AGBL3: variants seen among roughly 807,000 people sequenced by gnomAD.
AGBL3 encodes the protein cytosolic carboxypeptidase 3.
AGBL3 carries 68 observed loss-of-function variants against 94.5 expected under a neutral mutation model. The ratio of observed to expected loss-of-function variants is 0.72; its 90% CI spans 0.59 to 0.88. The LOEUF is 0.88. Ranked by LOEUF, AGBL3 falls within the 40% of genes least tolerant of loss-of-function variation. The pLI, the probability that AGBL3 is intolerant of heterozygous loss-of-function variation, is 0.00. For synonymous variants in AGBL3, 354 were observed against 370.7 expected, an observed-to-expected ratio of 0.95 and a Z score of 0.52; for missense variants, 934 against 1,103.8, an observed-to-expected ratio of 0.85 and a Z score of 2.18.
rs539456125 is a variant in AGBL3 at position 135,133,065 on chromosome 7, G to C, written c.2343-1776G>C. 1.7e-4 allele frequency among the ~76,000 whole-genome samples: 17 copies of C among 101,234 alleles called. No individual in the cohort carries two copies. The East Asian group carries it at 3.3e-3, about 20-fold the overall frequency. 66.4% of individuals were successfully genotyped at this position (101,234 alleles called of 152,430 possible). A position where few individuals can be genotyped will look rare whatever the true frequency, so the allele number is the denominator to read the frequency against. On this transcript the variant is annotated intron_variant, in intron 16 of 16. Transcript: ENST00000436302. ...TACCAAAACACACACGCACGCATGC[G>C]TGCACACACACACACACACACACAC...
rs560047199 is a variant in AGBL3 at position 135,082,269 on chromosome 7, T to C, written c.2110+479T>C. ...CAAAATAGTGAAGAAACCTTAAAGG[T>C]AAATAATTCCAACTGACTCATTTTC... On this transcript the variant is annotated intron_variant, in intron 15 of 16. Coordinates refer to ENST00000436302, the MANE Select transcript of AGBL3 (RefSeq NM_178563.4). Among the ~76,000 whole-genome samples, 31 of 152,276 alleles carry C rather than the reference T, an allele frequency of 2.0e-4. 1 individual carries two copies. Among genetic ancestry groups the C allele is most frequent in the African/African-American group, 7.0e-4 (29 of 41,574 alleles).
intron 4 of AGBL3, among the ~76,000 whole-genome samples, chr7:135,016,222 T>C: frequency 1.3e-5 from 2 of 152,308 alleles, no homozygotes; most frequent in South Asian, 4.1e-4. Context: ...TTTGCTTATC[T>C]TTATTATCAA....
At chr7:135,055,217 A>T (rs1295008500) in intron 11 of AGBL3, among the ~76,000 whole-genome samples, 1 of 152,192 alleles carries the variant, frequency 6.6e-6, no homozygotes, top group East Asian at 1.9e-4. Flanking sequence ...GCACATTAGG[A>T]ATCAAATTTC....
intron 12 of AGBL3, among the ~76,000 whole-genome samples, chr7:135,069,883 C>A (rs1177990987): frequency 6.6e-6 from 1 of 152,150 alleles, no homozygotes; most frequent in African/African-American, 2.4e-5. Flanking sequence ...CAGAGCAGAA[C>A]TGAAGGAAAT....
At chr7:135,129,501 G>A (rs1562906157) in intron 16 of AGBL3, 7 of 772,638 alleles carry the variant, frequency 9.1e-6, no homozygotes, top group Non-Finnish European at 1.7e-5. Flanking sequence ...AACTCCCATA[G>A]AGAAATTAGA....
intron 4 of AGBL3, among the ~76,000 whole-genome samples, chr7:134,994,960 C>T (rs1353466842): frequency 6.6e-6 from 1 of 152,088 alleles, no homozygotes; most frequent in Admixed American, 6.5e-5. Flanking sequence ...ACCATCATCC[C>T]CACCTCTCCT....
chr7:135,080,401 A>G (rs1195886325), intron 14 of AGBL3, 141 bp downstream of exon 14: 3 of 621,798 alleles, frequency 4.8e-6, no homozygotes, highest in Non-Finnish European at 8.5e-6. Context: ...TCCCTGCAGG[A>G]CCTCATCCTT....
chr7:135,054,570 G>GA (rs1276101305), intron 11 of AGBL3, among the ~76,000 whole-genome samples: 1 of 152,028 alleles, frequency 6.6e-6, no homozygotes, highest in Non-Finnish European at 1.5e-5. Context: ...GTTGTTTAAT[G>GA]AAAAAATATT....
intron 16 of AGBL3, among the ~76,000 whole-genome samples, chr7:135,126,840 C>A (rs942393995): frequency 6.6e-6 from 1 of 152,204 alleles, no homozygotes; most frequent in African/African-American, 2.4e-5. Flanking sequence ...AACTGGACCC[C>A]TTCCTTACAC....
intron 5 of AGBL3, 43 bp from the exon 6 acceptor site, chr7:135,032,801 T>C (rs1368137766): frequency 6.7e-7 from 1 of 1,498,168 alleles, no homozygotes; most frequent in South Asian, 1.4e-5. Context: ...CCTTCTTACT[T>C]TAGGTATACC....
intron 5 of AGBL3, among the ~76,000 whole-genome samples, chr7:135,018,716 T>G (rs1814089379): frequency 6.6e-6 from 1 of 152,188 alleles, no homozygotes; most frequent in Admixed American, 6.5e-5. Flanking sequence ...AAGACAAATT[T>G]CAGTAGGTAA....
At chr7:135,051,841 T>C (rs945763910) in intron 11 of AGBL3, among the ~76,000 whole-genome samples, 1 of 152,154 alleles carries the variant, frequency 6.6e-6, no homozygotes, top group Non-Finnish European at 1.5e-5. Flanking sequence ...AAAATGACTA[T>C]TGAATGCAGT....
At chr7:135,044,701 GT>G (rs557973465) in intron 9 of AGBL3, among the ~76,000 whole-genome samples, 66 of 151,618 alleles carry the variant, frequency 4.4e-4, no homozygotes, top group Admixed American at 9.9e-4. Context: ...TTTTCAGCTT[GT>G]TTTTTTTATT....
chr7:135,130,558 T>C lies in AGBL3; in HGVS notation c.2343-4283T>C, dbSNP rs539228820. Among the ~76,000 whole-genome samples the C allele has an allele frequency of 9.3e-3, 385 of 41,344 alleles. 1 individual carries two copies. The highest frequency in any genetic ancestry group is 0.043 in the Middle Eastern group (2 of 46). The allele number at this position is 41,344 out of a possible 152,430, so 27.1% of individuals were successfully genotyped here. On this transcript the variant is annotated intron_variant, in intron 16 of 16. Coordinates refer to ENST00000436302, the MANE Select transcript of AGBL3 (RefSeq NM_178563.4). ...TCTTAATATTAATTCCAGCAACACA[T>C]GTTTTTATTTCCTCTGCTGGAATAG...
At chr7:135,113,738 G>A (rs973689127) in intron 15 of AGBL3, among the ~76,000 whole-genome samples, 11 of 152,112 alleles carry the variant, frequency 7.2e-5, no homozygotes, top group Admixed American at 1.3e-4. Context: ...AAGTACAGTC[G>A]CATTGTGGTG....
chr7:135,115,532 GT>G lies in AGBL3; in HGVS notation c.2264del (p.Val755GlyfsTer12). 6.4e-7 allele frequency: 1 copy of G among 1,551,388 alleles called. No individual in the cohort carries two copies. The highest frequency in any genetic ancestry group is 8.7e-7 in the Non-Finnish European group (1 of 1,146,814). On this transcript the variant is annotated frameshift_variant, in exon 16 of 17. Transcript: ENST00000436302. LOFTEE classifies it high-confidence loss of function. ...QEILQYLLPIVHSTKNMQTTQ... is the reference protein window; with the variant it reads ...QEILQYLLPIXHSTKNMQTTQ... ...AATATTGCAGTATTTGCTCCCCATC[GT>G]GCATAGCACTAAAAACATGCAAACC... is the stretch of plus-strand genomic sequence containing the variant.
chr7:135,035,064 C>T (rs1013744419), intron 7 of AGBL3, 136 bp downstream of exon 7: 5 of 789,972 alleles, frequency 6.3e-6, no homozygotes, highest in African/African-American at 5.3e-5. Flanking sequence ...ATTTTTTCCC[C>T]GTTATTCACA....
chr7:135,005,913 T>C (rs909251640), intron 4 of AGBL3, among the ~76,000 whole-genome samples: 6 of 151,800 alleles, frequency 4.0e-5, no homozygotes, highest in Non-Finnish European at 7.4e-5. Context: ...AAGGGAAAAC[T>C]TCAACCTAAG....
chr7:135,066,854 A>G (rs1819358524), intron 12 of AGBL3, among the ~76,000 whole-genome samples: 1 of 152,232 alleles, frequency 6.6e-6, no homozygotes, highest in African/African-American at 2.4e-5. Context: ...ACTGAGGTAC[A>G]GGGTTCATCT....
Sources: gnomAD v4.1 joint callset for allele counts (sites outside exome capture counted in the v4.1 genomes callset) on GRCh38, gnomAD v4.1.1 for gene constraint, MANE v1.5 for transcripts, NCBI Gene and HGNC (gene_info 2026-07-23, HGNC 2026-07-21) for gene names.